FAM20C: variants seen among roughly 807,000 people sequenced by gnomAD.
FAM20C encodes extracellular serine/threonine protein kinase FAM20C.
FAM20C carries 40 observed loss-of-function variants against 51.5 expected under a neutral mutation model. That is an observed-to-expected ratio of 0.78 (90% CI 0.60 to 1.01). The LOEUF (loss-of-function observed/expected upper bound fraction) is 1.01, where lower values mean the gene tolerates loss of function less well. FAM20C is among the 50% of genes least tolerant of loss of function. The pLI is 0.00. For missense variants in FAM20C, 861 were observed against 844.7 expected (o/e 1.02, Z -0.24); for synonymous variants, 406 against 380.6 (o/e 1.07, Z -0.78).
chr7:256,249 C>T (rs1788585812), intron 6 of FAM20C: 2 of 649,300 alleles, frequency 3.1e-6, no homozygotes, highest in Middle Eastern at 4.3e-4. Flanking sequence ...CCGGGCCGGC[C>T]TGCCCACCAG....
In FAM20C at chr7:192,891, T is replaced by G. The variant is rs1488014141; in HGVS notation, c.-309T>G. On this transcript the variant is annotated 5_prime_UTR_variant, in exon 1 of 10. Transcript: ENST00000313766. ...CGCCGGCGGCTGCGAGCGCCGAGCC[T>G]CCCCCTGCTGCGGCCCCAGCCGCCC... 1 of 146,874 alleles carries G rather than the reference T, an allele frequency of 6.8e-6. No individual in the cohort carries two copies. Among genetic ancestry groups the G allele is most frequent in the African/African-American group, 2.5e-5 (1 of 39,998 alleles). 9.1% of individuals were successfully genotyped at this position (146,874 alleles called of 1,614,324 possible). A position where few individuals can be genotyped will look rare whatever the true frequency, so the allele number is the denominator to read the frequency against.
At chr7:220,810 A>G (rs1273855953) in intron 3 of FAM20C, among the ~76,000 whole-genome samples, 5 of 152,168 alleles carry the variant, frequency 3.3e-5, no homozygotes, top group African/African-American at 1.2e-4. Context: ...GGTCAGCTGC[A>G]TTTTCCCTGG....
At chr7:199,341 G>A in intron 2 of FAM20C, among the ~76,000 whole-genome samples, 1 of 152,198 alleles carries the variant, frequency 6.6e-6, no homozygotes, top group East Asian at 1.9e-4. Flanking sequence ...ACCAAGAACA[G>A]GGGTAGCCTT....
chr7:259,673 C>T (rs976764932), intron 9 of FAM20C, 58 bp from the exon 10 acceptor site: 28 of 1,432,678 alleles, frequency 2.0e-5, no homozygotes, highest in Admixed American at 1.4e-4. Flanking sequence ...CTCTCGCTTT[C>T]CCGTGGGCAG....
intron 2 of FAM20C, among the ~76,000 whole-genome samples, chr7:198,588 C>A (rs908928377): frequency 6.6e-6 from 1 of 152,114 alleles, no homozygotes; most frequent in Non-Finnish European, 1.5e-5. Context: ...TGCCCTAGAC[C>A]CGTGTGGGCA....
intron 6 of FAM20C, chr7:256,329 G>A: frequency 1.7e-6 from 1 of 573,582 alleles, no homozygotes; most frequent in Non-Finnish European, 3.1e-6. Context: ...ACTCCTGCGG[G>A]AGAAACGGCC....
intron 3 of FAM20C, among the ~76,000 whole-genome samples, chr7:216,684 A>AGACAGAGTGTGTGAGTGT (rs1562376383): frequency 6.7e-6 from 1 of 149,376 alleles, no homozygotes; most frequent in African/African-American, 2.5e-5. Context: ...TGTGTGTGAG[A>AGACAGAGTGTGTGAGTGT]GTGTGTGTGT....
chr7:229,503 G>A (rs536477740), intron 3 of FAM20C: 25 of 157,730 alleles, frequency 1.6e-4, no homozygotes, highest in South Asian at 9.5e-4. Flanking sequence ...AGAGCTCGCC[G>A]TCCTCACGCA....
intron 3 of FAM20C, among the ~76,000 whole-genome samples, chr7:233,129 G>T (rs1484314784): frequency 6.6e-6 from 1 of 152,218 alleles, no homozygotes; most frequent in Non-Finnish European, 1.5e-5. Flanking sequence ...CCAGACCTCG[G>T]TTTCCTTGTC....
At position 195,558 on chromosome 7, in the gene FAM20C, C is replaced by T. The variant is rs893863166; in HGVS notation, c.610C>T (p.His204Tyr). 1 of 1,576,296 alleles carries T rather than the reference C, an allele frequency of 6.3e-7. No individual in the cohort carries two copies. Residue 204 changes from histidine (H) to tyrosine (Y), a missense_variant, in exon 2 of 10, where the codon CAT becomes TAT. This residue lies in a region of FAM20C where 561 missense variants were observed against 499.8 expected (regional missense o/e 1.12). Coordinates refer to ENST00000313766, the MANE Select transcript of FAM20C (RefSeq NM_020223.4). ...PKAAENPDWPHAGAEGAEFLS... is the reference protein window; with the variant it reads ...PKAAENPDWPYAGAEGAEFLS... Reference sequence around the variant, plus strand: ...CGTCCTCGCTGCTCCCTGCAGGCCGCATGCGGGTGCTGAAGGTGCAGAATT... The same window carrying T: ...CGTCCTCGCTGCTCCCTGCAGGCCGTATGCGGGTGCTGAAGGTGCAGAATT...
At position 248,328 on chromosome 7, in the gene FAM20C, C is replaced by T. The variant is rs1228139412; in HGVS notation, c.970C>T (p.Arg324Cys). The T allele has an allele frequency of 2.6e-5, 40 of 1,535,576 alleles. No homozygotes were observed. Among genetic ancestry groups the T allele is most frequent in the East Asian group, 7.3e-5 (3 of 40,918 alleles). ...GTTTCTTGCCAGGATCCTGGACTTC[C>T]GCCGGGTCCCTCCCGTGGCCGGCAG... ...AFHLDRILDF[R>C]RVPPVAGRMV... is the part of the protein sequence containing the mutation. Residue 324 changes from arginine (R) to cysteine (C), a missense_variant, in exon 5 of 10, where the codon CGC (arginine) becomes TGC (cysteine). Arg to Cys is a radical substitution (Grantham distance 180). This residue lies in a region of FAM20C where 561 missense variants were observed against 499.8 expected (regional missense o/e 1.12). Transcript: ENST00000313766.
chr7:257,835 CAGGG>C (rs1788659046), intron 8 of FAM20C, among the ~76,000 whole-genome samples: 2 of 111,068 alleles, frequency 1.8e-5, no homozygotes, highest in Non-Finnish European at 1.8e-5. Context: ...TGGAGATGGG[CAGGG>C]TGGACCCACT....
In FAM20C at chr7:260,697, G is replaced by A. The variant is rs1428643716; in HGVS notation, c.*717G>A. 1 of 152,304 alleles carries A rather than the reference G, an allele frequency of 6.6e-6. No individual in the cohort carries two copies. Among genetic ancestry groups the A allele is most frequent in the Non-Finnish European group, 1.5e-5 (1 of 68,080 alleles). 9.4% of individuals were successfully genotyped at this position (152,304 alleles called of 1,614,324 possible). ...TGGGCTGACCTTTGCAGAGTTTTGTGGAATAGTTTGCAATGTCATAAAAGT... is the reference window on the plus strand; with the variant it reads ...TGGGCTGACCTTTGCAGAGTTTTGTAGAATAGTTTGCAATGTCATAAAAGT... On this transcript the variant is annotated 3_prime_UTR_variant, in exon 10 of 10. Coordinates refer to ENST00000313766, the MANE Select transcript of FAM20C (RefSeq NM_020223.4).
At chr7:246,618 A>T in intron 4 of FAM20C, 111 bp downstream of exon 4, 1 of 572,218 alleles carries the variant, frequency 1.7e-6, no homozygotes, top group East Asian at 3.9e-5. Flanking sequence ...CTTCGTCACC[A>T]TCAGGCAGCG....
rs777240362 is a variant in FAM20C at position 193,753 on chromosome 7, A to G, written c.554A>G (p.Asn185Ser). ...CTCACGGAGGAGGACGTCCTGTTCA[A>G]TGTGAACAGCGACACCAGGCTCAGC... Reference protein sequence around the residue: ...PPLTEEDVLFNVNSDTRLSPK... With the variant: ...PPLTEEDVLFSVNSDTRLSPK... Residue 185 changes from asparagine (N) to serine (S), a missense_variant, in exon 1 of 10, where the codon AAT becomes AGT. Coordinates refer to ENST00000313766, the MANE Select transcript of FAM20C (RefSeq NM_020223.4). 3.2e-6 allele frequency: 5 copies of G among 1,549,498 alleles called. No individual in the cohort carries two copies. The highest frequency in any genetic ancestry group is 4.4e-6 in the Non-Finnish European group (5 of 1,146,694).
chr7:212,419 C>T lies in FAM20C; in HGVS notation c.863+3443C>T, dbSNP rs118172518. On this transcript the variant is annotated intron_variant, in intron 3 of 9. Coordinates refer to ENST00000313766, the MANE Select transcript of FAM20C (RefSeq NM_020223.4). ...TGGAGGTTACAGTGAGCCGAGCTGA[C>T]GCCACTGCACTCCAGCCTGAGGGAC... Among the ~76,000 whole-genome samples the T allele has an allele frequency of 3.9e-3, 597 of 152,238 alleles. 16 individuals carry two copies. The East Asian group carries it at 0.084, about 21-fold the overall frequency.
chr7:236,056 GGAA>G (rs1360980731), intron 3 of FAM20C, among the ~76,000 whole-genome samples: 5 of 152,208 alleles, frequency 3.3e-5, no homozygotes, highest in Non-Finnish European at 5.9e-5. Flanking sequence ...AGGGCGCCCA[GGAA>G]GAAGGAGAGG....
At chr7:211,673 G>T (rs1455954080) in intron 3 of FAM20C, among the ~76,000 whole-genome samples, 1 of 152,224 alleles carries the variant, frequency 6.6e-6, no homozygotes, top group Admixed American at 6.5e-5. Flanking sequence ...GGGGAGGCCA[G>T]TGTGACGCGT....
Position 259,813 on chromosome 7 carries a change from C to CG in FAM20C, c.1594dup (p.Asp532GlyfsTer41). ...GAGCCTGCTGATGGCCGAGTCTCTG[C>CG]GGGGGGACCAGGTGGCACCCGTGCT... On this transcript the variant is annotated frameshift_variant, in exon 10 of 10. Transcript: ENST00000313766. LOFTEE classifies it low-confidence loss of function (END_TRUNC). 1.3e-6 allele frequency: 2 copies of CG among 1,536,452 alleles called. No individual in the cohort carries two copies. The highest frequency in any genetic ancestry group is 8.7e-7 in the Non-Finnish European group (1 of 1,146,874).
Sources: allele counts gnomAD v4.1 joint callset (sites outside exome capture counted in the v4.1 genomes callset), GRCh38; gene constraint gnomAD v4.1.1; regional missense constraint gnomAD v4.1.1; transcripts MANE v1.5; gene names NCBI Gene and HGNC (gene_info 2026-07-23, HGNC 2026-07-21).